The following PDGFC variants were observed in gnomAD, a reference collection of about 807,000 sequenced individuals.
PDGFC encodes the protein platelet derived growth factor C.
A neutral mutation model predicts 35.5 loss-of-function variants in PDGFC; 12 were observed. That is an observed-to-expected ratio of 0.34 (90% CI 0.22 to 0.55). The LOEUF is 0.55. PDGFC is among the 20% of genes least tolerant of loss of function. The probability of loss-of-function intolerance (pLI) is 0.91; values close to 1 mark genes in which losing one functional copy is unlikely to be tolerated. For missense variants in PDGFC, 322 were observed against 412.4 expected (o/e 0.78, Z 1.90); for synonymous variants, 159 against 148.8 (o/e 1.07, Z -0.50).
chr4:156,783,092 T>C (rs1484598864), intron 3 of PDGFC, among the ~76,000 whole-genome samples: 4 of 152,106 alleles, frequency 2.6e-5, no homozygotes, highest in African/African-American at 9.7e-5. Flanking sequence ...AATTATTATA[T>C]AGATTAGAAG....
chr4:156,781,763 G>A (rs1730986155), intron 3 of PDGFC, among the ~76,000 whole-genome samples: 1 of 152,052 alleles, frequency 6.6e-6, no homozygotes, highest in Admixed American at 6.6e-5. Flanking sequence ...TGTGTCTGTA[G>A]GAACAGGTAT....
intron 1 of PDGFC, among the ~76,000 whole-genome samples, chr4:156,856,067 T>C (rs1462009883): frequency 6.6e-6 from 1 of 152,158 alleles, no homozygotes; most frequent in African/African-American, 2.4e-5. Flanking sequence ...AATGATGGGC[T>C]AGAGGGAAAA....
chr4:156,890,194 GCA>G (rs1278263886), intron 1 of PDGFC, among the ~76,000 whole-genome samples: 1 of 151,984 alleles, frequency 6.6e-6, no homozygotes, highest in South Asian at 2.1e-4. Context: ...CCATGGAGTG[GCA>G]TAGAAAAGCA....
chr4:156,796,207 A>G (rs1034096146), intron 3 of PDGFC, among the ~76,000 whole-genome samples: 4 of 152,182 alleles, frequency 2.6e-5, no homozygotes, highest in African/African-American at 4.8e-5. Flanking sequence ...CCATTTAGTG[A>G]TACAAAATTA....
intron 2 of PDGFC, among the ~76,000 whole-genome samples, chr4:156,819,490 T>C (rs1263140408): frequency 2.0e-5 from 3 of 152,174 alleles, no homozygotes; most frequent in Non-Finnish European, 4.4e-5. Context: ...GCCTATGCTG[T>C]ATCAATGGAA....
intron 4 of PDGFC, among the ~76,000 whole-genome samples, chr4:156,768,506 T>TA (rs1252175009): frequency 3.3e-5 from 5 of 151,888 alleles, no homozygotes; most frequent in Non-Finnish European, 7.4e-5. Context: ...TCATAAAATA[T>TA]AAAAAAAGCA....
intron 2 of PDGFC, among the ~76,000 whole-genome samples, chr4:156,847,365 A>C (rs78308299): frequency 1.4e-3 from 210 of 151,824 alleles, no homozygotes; most frequent in African/African-American, 4.7e-3. Context: ...AAAACTTATA[A>C]TCTCAGTGTA....
intron 3 of PDGFC, among the ~76,000 whole-genome samples, chr4:156,794,212 T>C (rs2110891392): frequency 6.6e-6 from 1 of 152,260 alleles, no homozygotes; most frequent in East Asian, 1.9e-4. Flanking sequence ...CTGAAGCAGC[T>C]TAGCTGCTTA....
intron 4 of PDGFC, among the ~76,000 whole-genome samples, chr4:156,771,032 A>G (rs1730680426): frequency 6.6e-6 from 1 of 152,160 alleles, no homozygotes; most frequent in African/African-American, 2.4e-5. Flanking sequence ...TAGTTTATGT[A>G]AAGTTCCAAA....
intron 1 of PDGFC, among the ~76,000 whole-genome samples, chr4:156,899,868 T>C (rs1010797724): frequency 6.6e-6 from 1 of 152,214 alleles, no homozygotes; most frequent in African/African-American, 2.4e-5. Flanking sequence ...GACATCCTAA[T>C]TGCAAAATCC....
intron 1 of PDGFC, among the ~76,000 whole-genome samples, chr4:156,950,119 T>G (rs1053974494): frequency 1.3e-5 from 2 of 152,032 alleles, no homozygotes; most frequent in Non-Finnish European, 2.9e-5. Flanking sequence ...GCATAAGGAT[T>G]ATTTTGAGCT....
At chr4:156,934,263 T>C (rs1317036787) in intron 1 of PDGFC, among the ~76,000 whole-genome samples, 1 of 152,222 alleles carries the variant, frequency 6.6e-6, no homozygotes, top group Non-Finnish European at 1.5e-5. Context: ...GCTCCCAGAC[T>C]ACAAACCTGT....
chr4:156,830,330 T>C lies in PDGFC; in HGVS notation c.315-19313A>G, dbSNP rs74633405. Among the ~76,000 whole-genome samples the C allele has an allele frequency of 6.9e-3, 1,048 of 151,558 alleles. 23 individuals carry two copies. Among genetic ancestry groups the C allele is most frequent in the African/African-American group, 0.024 (1,004 of 41,356 alleles). On this transcript the variant is annotated intron_variant, in intron 2 of 5. Transcript: ENST00000502773. The stretch of plus-strand genomic sequence containing the variant: ...ACTAGCATTATACCATTCCATTTGG[T>C]TGATATGAGAACTTACGCACCTCAA...
intron 1 of PDGFC, among the ~76,000 whole-genome samples, chr4:156,956,912 T>C (rs552849430): frequency 1.1e-4 from 17 of 152,002 alleles, no homozygotes; most frequent in Non-Finnish European, 2.1e-4. Flanking sequence ...GATGTTCCAA[T>C]GGAACTGAGG....
At chr4:156,923,506 GA>G (rs201813973) in intron 1 of PDGFC, among the ~76,000 whole-genome samples, 1,832 of 152,250 alleles carry the variant, frequency 0.012, 31 homozygotes, top group African/African-American at 0.042. Context: ...AAAACTAAAG[GA>G]AATGTTGTAG....
chr4:156,770,969 C>T (rs1730679047), intron 4 of PDGFC, among the ~76,000 whole-genome samples: 1 of 152,084 alleles, frequency 6.6e-6, no homozygotes, highest in Non-Finnish European at 1.5e-5. Context: ...TAGAGATACT[C>T]TCAGGAGGGG....
At chr4:156,953,119 A>C (rs1037707482) in intron 1 of PDGFC, among the ~76,000 whole-genome samples, 2 of 151,942 alleles carry the variant, frequency 1.3e-5, no homozygotes, top group African/African-American at 4.8e-5. Flanking sequence ...CTTAAGTAAA[A>C]GGATTTACAT....
At chr4:156,804,986 G>A (rs777193264) in intron 3 of PDGFC, among the ~76,000 whole-genome samples, 12 of 151,946 alleles carry the variant, frequency 7.9e-5, no homozygotes, top group South Asian at 4.2e-4. Flanking sequence ...TGCTAATTGC[G>A]TTTTTCTTTC....
chr4:156,770,020 C>G (rs1017205775), intron 4 of PDGFC, among the ~76,000 whole-genome samples: 1 of 151,968 alleles, frequency 6.6e-6, no homozygotes, highest in African/African-American at 2.4e-5. Context: ...TATGCTATTT[C>G]ATGATAATAG....
Sources: allele counts gnomAD v4.1 joint callset (sites outside exome capture counted in the v4.1 genomes callset), GRCh38; gene constraint gnomAD v4.1.1; transcripts MANE v1.5; gene names NCBI Gene and HGNC (gene_info 2026-07-23, HGNC 2026-07-21).